Variants in CEP20 observed in about 807,000 individuals in gnomAD.
CEP20 encodes FGFR1OP N-terminal like.
CEP20 carries 18 observed loss-of-function variants against 20.0 expected under a neutral mutation model. That is an observed-to-expected ratio of 0.90 (90% confidence interval 0.62 to 1.34). The LOEUF (loss-of-function observed/expected upper bound fraction) is 1.34. Among genes scored for constraint, CEP20 ranks in the 40% most tolerant of loss-of-function variants. The pLI is 0.00. For synonymous variants in CEP20, 77 were observed against 73.7 expected, an observed-to-expected ratio of 1.04 and a Z score of -0.23; for missense variants, 215 against 201.6, an observed-to-expected ratio of 1.07 and a Z score of -0.40.
In CEP20 at chr16:15,888,581, G is replaced by C; in HGVS notation, c.5C>G (p.Ala2Gly). 6.2e-6 allele frequency: 10 copies of C among 1,614,098 alleles called. No homozygotes were observed. The highest frequency in any genetic ancestry group is 7.6e-6 in the Non-Finnish European group (9 of 1,180,008). The change falls in exon 1 of 5, where the codon GCG (alanine) becomes GGG (glycine). Residue 2 changes from alanine to glycine, a missense_variant. Transcript: ENST00000255759. M[A>G]TVAELKAVLK... ...ACCAGCCTTCAACTCTGCCACAGTC[G>C]CCATTTTTCAACGGCCGCCAGGGCC...
chr16:15,883,666 T>C (rs7184099), intron 2 of CEP20, among the ~76,000 whole-genome samples: 1 of 152,066 alleles, frequency 6.6e-6, no homozygotes. Flanking sequence ...ACCCAGCCTA[T>C]TTTTTAACAA....
At chr16:15,887,941 A>G (rs62031729) in intron 1 of CEP20, among the ~76,000 whole-genome samples, 26,815 of 151,552 alleles carry the variant, frequency 0.18, 2,281 homozygotes, top group East Asian at 0.22. Flanking sequence ...AGCCGGGCGT[A>G]GTGAAGAGCC....
At position 15,884,050 on chromosome 16, in the gene CEP20, C is replaced by G. The variant is rs766713976; in HGVS notation, c.184G>C (p.Glu62Gln). Residue 62 changes from glutamate to glutamine, a missense_variant, in exon 2 of 5, where the codon GAA (glutamate) becomes CAA (glutamine). Coordinates refer to ENST00000255759, the MANE Select transcript of CEP20 (RefSeq NM_144600.4). ...GCTGTATACTTATATTTGTTGAATT[C>G]TAAATACTCTCGAATTAATTCATTA... ...LINELIREYLEFNKYKYTASV... is the reference protein window; with the variant it reads ...LINELIREYLQFNKYKYTASV... 6.2e-7 allele frequency: 1 copy of G among 1,613,742 alleles called. No individual in the cohort carries two copies. The highest frequency in any genetic ancestry group is 8.5e-7 in the Non-Finnish European group (1 of 1,179,700).
chr16:15,869,224 C>T (rs2044754704), intron 4 of CEP20, among the ~76,000 whole-genome samples: 1 of 151,822 alleles, frequency 6.6e-6, no homozygotes, highest in Non-Finnish European at 1.5e-5. Flanking sequence ...CTACATAAAC[C>T]CTCTTCATTT....
intron 1 of CEP20, among the ~76,000 whole-genome samples, chr16:15,886,880 C>T (rs1479409523): frequency 1.3e-5 from 2 of 151,532 alleles, no homozygotes; most frequent in East Asian, 3.9e-4. Flanking sequence ...TTCAAGAGTA[C>T]CTTTTTTATT....
chr16:15,876,806 G>A (rs1352704481), intron 3 of CEP20, among the ~76,000 whole-genome samples: 6 of 147,932 alleles, frequency 4.1e-5, no homozygotes, highest in Non-Finnish European at 7.4e-5. Flanking sequence ...AAATAAAGCC[G>A]TTTTAGCAAC....
rs553668800 is a variant in CEP20, at chr16:15,875,514, G to T, written c.312-1887C>A. Among the ~76,000 whole-genome samples the T allele has an allele frequency of 2.6e-5, 4 of 152,230 alleles. No homozygotes were observed. In the East Asian group the frequency reaches 5.8e-4, roughly 22 times the overall value. ...ATTTTATTTTAAATTAGCCACAGAA[G>T]GTAATATGCACCTGTGGTCCCAGCT... On this transcript the variant is annotated intron_variant, in intron 3 of 4. Transcript: ENST00000255759.
At chr16:15,870,420 A>C (rs763206579) in intron 4 of CEP20, among the ~76,000 whole-genome samples, 10 of 152,150 alleles carry the variant, frequency 6.6e-5, no homozygotes, top group Non-Finnish European at 1.2e-4. Context: ...GAATTAGACA[A>C]TATCTACTAC....
intron 3 of CEP20, among the ~76,000 whole-genome samples, chr16:15,879,492 A>G (rs1386624889): frequency 6.6e-6 from 1 of 152,150 alleles, no homozygotes; most frequent in Non-Finnish European, 1.5e-5. Flanking sequence ...TACAAAAATA[A>G]TTTGAAAATA....
intron 3 of CEP20, among the ~76,000 whole-genome samples, chr16:15,878,690 G>GA (rs1247887571): frequency 6.6e-6 from 1 of 152,010 alleles, no homozygotes; most frequent in African/African-American, 2.4e-5. Flanking sequence ...AGTAGAGATG[G>GA]GGTTTCGCCA....
intron 2 of CEP20, among the ~76,000 whole-genome samples, chr16:15,883,666 T>A (rs7184099): frequency 0.069 from 10,525 of 152,158 alleles, 482 homozygotes; most frequent in East Asian, 0.22. Flanking sequence ...ACCCAGCCTA[T>A]TTTTTAACAA....
chr16:15,888,076 T>TAA (rs60631057), intron 1 of CEP20, among the ~76,000 whole-genome samples: 21 of 130,800 alleles, frequency 1.6e-4, no homozygotes, highest in African/African-American at 3.9e-4. Flanking sequence ...ACCCTCTCTT[T>TAA]AAAAAAAAAA....
chr16:15,870,173 T>C (rs549448464), intron 4 of CEP20, among the ~76,000 whole-genome samples: 7 of 151,774 alleles, frequency 4.6e-5, no homozygotes, highest in South Asian at 2.1e-4. Context: ...TCCTTATAAC[T>C]TTCTTACTAG....
intron 2 of CEP20, among the ~76,000 whole-genome samples, chr16:15,882,247 A>G (rs547756319): frequency 1.1e-4 from 17 of 152,168 alleles, no homozygotes; most frequent in African/African-American, 3.6e-4. Flanking sequence ...AGCCAAGTAA[A>G]CCTCTTTTCT....
intron 3 of CEP20, among the ~76,000 whole-genome samples, chr16:15,874,831 T>A (rs2044904297): frequency 6.6e-6 from 1 of 152,162 alleles, no homozygotes; most frequent in African/African-American, 2.4e-5. Context: ...GGCCACGTGG[T>A]AATGGCCCTG....
rs1434241917 is a variant in CEP20 at position 15,871,446 on chromosome 16, G to A, written c.448+2045C>T. 2.0e-5 allele frequency among the ~76,000 whole-genome samples: 3 copies of A among 151,982 alleles called. 1 individual carries two copies. Among genetic ancestry groups the A allele is most frequent in the Non-Finnish European group, 2.9e-5 (2 of 67,988 alleles). ...CTTTTTACTATTTAAAAAATTTAGA[G>A]ATTTACTCATGTACTTGCACTATTA... On this transcript the variant is annotated intron_variant, in intron 4 of 4. Coordinates refer to ENST00000255759, the MANE Select transcript of CEP20 (RefSeq NM_144600.4).
intron 3 of CEP20, 78 bp downstream of exon 3, chr16:15,879,726 T>C: frequency 1.2e-6 from 1 of 816,440 alleles, no homozygotes; most frequent in South Asian, 1.5e-5. Context: ...AATACTTGAA[T>C]TAAAATGAAG....
intron 3 of CEP20, 141 bp from the exon 4 acceptor site, chr16:15,873,768 G>T (rs2044879082): frequency 1.0e-6 from 1 of 977,244 alleles, no homozygotes; most frequent in Non-Finnish European, 1.4e-6. Flanking sequence ...AAAGCGGCAT[G>T]ATTATCCAAA....
intron 2 of CEP20, among the ~76,000 whole-genome samples, chr16:15,881,998 C>A (rs1048138407): frequency 2.2e-4 from 33 of 152,106 alleles, no homozygotes; most frequent in African/African-American, 6.8e-4. Flanking sequence ...GGAAGTGGGA[C>A]CTGGCGGGAG....
Sources: allele counts gnomAD v4.1 joint callset (sites outside exome capture counted in the v4.1 genomes callset), GRCh38; gene constraint gnomAD v4.1.1; transcripts MANE v1.5; gene names NCBI Gene and HGNC (gene_info 2026-07-23, HGNC 2026-07-21).